TPM3: variants seen among roughly 807,000 people sequenced by gnomAD.
TPM3 encodes tropomyosin alpha-3 chain.
A neutral mutation model predicts 43.1 loss-of-function variants in TPM3; 16 were observed. That is an observed-to-expected ratio of 0.37 (90% CI 0.25 to 0.56). The LOEUF is 0.56. Among genes scored for constraint, TPM3 ranks in the 20% least tolerant of loss-of-function variants. The pLI, the probability that TPM3 is intolerant of heterozygous loss-of-function variation, is 0.77. For missense variants in TPM3, 176 were observed against 337.2 expected, an observed-to-expected ratio of 0.52 and a Z score of 3.74; for synonymous variants, 101 against 116.9, an observed-to-expected ratio of 0.86 and a Z score of 0.88.
chr1:154,170,340 G>T (rs1661429292), intron 8 of TPM3, 60 bp downstream of exon 8: 1 of 1,560,786 alleles, frequency 6.4e-7, no homozygotes, highest in East Asian at 2.2e-5. Flanking sequence ...AGAGATTAAT[G>T]GTTAATGGGC....
At chr1:154,159,197 G>T, downstream of TPM3, 1 of 665,668 alleles carries the variant, frequency 1.5e-6, no homozygotes, top group Non-Finnish European at 2.8e-6. Flanking sequence ...TGTAAGGCAG[G>T]GTGGATGCAA....
intron 3 of TPM3, among the ~76,000 whole-genome samples, chr1:154,175,529 C>T (rs962098591): frequency 1.3e-5 from 2 of 152,022 alleles, no homozygotes; most frequent in Non-Finnish European, 2.9e-5. Context: ...AAACAGATTG[C>T]CAGGCCCCAC....
chr1:154,184,717 A>C (rs1487808171), intron 2 of TPM3, among the ~76,000 whole-genome samples: 2 of 151,984 alleles, frequency 1.3e-5, no homozygotes, highest in Non-Finnish European at 2.9e-5. Context: ...GTTTGAGACC[A>C]GCCTGGGCAG....
rs559852699 is a variant in TPM3, at chr1:154,163,842, C to T, written c.*4095G>A. On this transcript the variant is annotated 3_prime_UTR_variant, in exon 10 of 10. Coordinates refer to ENST00000651641, the MANE Select transcript of TPM3 (RefSeq NM_152263.4). ...TAGAGACGGGGTTTCAACGTGTCAG[C>T]CAGGATGGTCTTGATCTCCTGACCT... Among the ~76,000 whole-genome samples, 198 of 152,204 alleles carry T rather than the reference C, an allele frequency of 1.3e-3. No individual in the cohort carries two copies. The highest frequency in any genetic ancestry group is 4.7e-3 in the African/African-American group (194 of 41,542).
chr1:154,182,654 G>A (rs1284922370), intron 2 of TPM3, among the ~76,000 whole-genome samples: 1 of 152,148 alleles, frequency 6.6e-6, no homozygotes, highest in Non-Finnish European at 1.5e-5. Flanking sequence ...GGGGAAGTGG[G>A]GGAGGGAGAA....
intron 2 of TPM3, among the ~76,000 whole-genome samples, chr1:154,177,544 G>C (rs1012250657): frequency 6.6e-6 from 1 of 152,094 alleles, no homozygotes; most frequent in African/African-American, 2.4e-5. Flanking sequence ...ACCTTTACTG[G>C]TGGGAGGTAC....
Position 154,166,807 on chromosome 1 carries a change from G to A in TPM3, c.*1130C>T, listed in dbSNP as rs143058197. On this transcript the variant is annotated 3_prime_UTR_variant, in exon 10 of 10. Transcript: ENST00000651641. Reference sequence around the variant, plus strand: ...AGCGATTCTCCTGCCTCAGCCTCCCGAGTAGCTGGGATTACAGGCACCCAC... The same window carrying A: ...AGCGATTCTCCTGCCTCAGCCTCCCAAGTAGCTGGGATTACAGGCACCCAC... The A allele has an allele frequency of 2.7e-3, 1,454 of 538,824 alleles. 18 individuals are homozygous for A. In the African/African-American group the frequency reaches 0.028, roughly 10 times the overall value. 33.4% of individuals were successfully genotyped at this position (538,824 alleles called of 1,614,324 possible). A position where few individuals can be genotyped will look rare whatever the true frequency, so the allele number is the denominator to read the frequency against.
rs1335529594 is a variant in TPM3, at chr1:154,165,548, G to A, written c.*2389C>T. Among the ~76,000 whole-genome samples, 1 of 151,762 alleles carries A rather than the reference G, an allele frequency of 6.6e-6. No individual in the cohort carries two copies. Among genetic ancestry groups the A allele is most frequent in the Admixed American group, 6.6e-5 (1 of 15,238 alleles). ...TCAAGCCTGTAATCCCATCACTTTG[G>A]GAGGCTGAGGTGGGTGGATCACTTG... is the stretch of plus-strand genomic sequence containing the variant. On this transcript the variant is annotated 3_prime_UTR_variant, in exon 10 of 10. Coordinates refer to ENST00000651641, the MANE Select transcript of TPM3 (RefSeq NM_152263.4).
Position 154,170,742 on chromosome 1 carries a change from G to A in TPM3, c.643-31C>T, listed in dbSNP as rs779420913. ...AGATAAGTAGATTAAAAATTTCAGA[G>A]TAGAAATTAGTCACACAGGCAATAC... On this transcript the variant is annotated intron_variant, in intron 6 of 9. Coordinates refer to ENST00000651641, the MANE Select transcript of TPM3 (RefSeq NM_152263.4). The A allele has an allele frequency of 1.0e-5, 15 of 1,474,264 alleles. No homozygotes were observed. In the Middle Eastern group the frequency reaches 6.9e-4, roughly 68 times the overall value. 91.3% of individuals were successfully genotyped at this position (1,474,264 alleles called of 1,614,324 possible).
At chr1:154,161,131 TAAAAAAAAAAA>T (rs953940037), downstream of TPM3, among the ~76,000 whole-genome samples, 81 of 85,090 alleles carry the variant, frequency 9.5e-4, 2 homozygotes, top group African/African-American at 3.6e-3. Flanking sequence ...ATGCAAATAT[TAAAAAAAAAAA>T]AAAAAAAAAA....
intron 3 of TPM3, among the ~76,000 whole-genome samples, chr1:154,174,407 T>TATATATATATACACACAC (rs1261318136): frequency 5.9e-4 from 43 of 72,650 alleles, no homozygotes; most frequent in African/African-American, 1.6e-3. Flanking sequence ...TATATATATA[T>TATATATATATACACACAC]ACACACAAAA....
Position 154,180,782 on chromosome 1 carries a change from G to A in TPM3, c.244-4534C>T, listed in dbSNP as rs191996771. ...AATAAAATAATAAAAAAAAATCGCC[G>A]AGTGTGGTGGTGGATGCCTGTAATC... On this transcript the variant is annotated intron_variant, in intron 2 of 9. Coordinates refer to ENST00000651641, the MANE Select transcript of TPM3 (RefSeq NM_152263.4). Among the ~76,000 whole-genome samples the A allele has an allele frequency of 8.5e-5, 13 of 152,076 alleles. No individual in the cohort carries two copies. The East Asian group carries it at 2.1e-3, about 25-fold the overall frequency.
rs767407416 is a variant in TPM3, at chr1:154,191,993, AT to A, written c.25del (p.Met9CysfsTer4). On this transcript the variant is annotated frameshift_variant, in exon 1 of 10. Coordinates refer to ENST00000651641, the MANE Select transcript of TPM3 (RefSeq NM_152263.4). LOFTEE classifies it high-confidence loss of function. ...CTCCTTGTCTAACTTCAGCATCTGC[AT>A]CTTTTTCTTGATGGCCTCCATCATG... The part of the protein sequence containing the change: MMEAIKKK[M>X]QMLKLDKENA... The A allele has an allele frequency of 6.2e-7, 1 of 1,613,844 alleles. No homozygotes were observed. Among genetic ancestry groups the A allele is most frequent in the Non-Finnish European group, 8.5e-7 (1 of 1,179,976 alleles).
chr1:154,183,588 C>G lies in TPM3; in HGVS notation c.244-7340G>C, dbSNP rs116018935. 0.011 allele frequency: 2,838 copies of G among 258,524 alleles called. 76 individuals are homozygous for G. The highest frequency in any genetic ancestry group is 0.058 in the African/African-American group (2,650 of 45,424). 16.0% of individuals were successfully genotyped at this position (258,524 alleles called of 1,614,324 possible). A position where few individuals can be genotyped will look rare whatever the true frequency, so the allele number is the denominator to read the frequency against. ...TTTGCTCCACAATATAAACATCCTA[C>G]AAGTCTCTGCTTCCACTCACCCCAC... is the stretch of plus-strand genomic sequence containing the variant. On this transcript the variant is annotated intron_variant, in intron 2 of 9. Transcript: ENST00000651641.
chr1:154,178,895 C>A (rs544170759), intron 2 of TPM3, among the ~76,000 whole-genome samples: 1 of 152,214 alleles, frequency 6.6e-6, no homozygotes, highest in Admixed American at 6.5e-5. Flanking sequence ...GTAGAATGCC[C>A]CAGCAACTCA....
chr1:154,166,710 G>A lies in TPM3; in HGVS notation c.*1227C>T. On this transcript the variant is annotated 3_prime_UTR_variant, in exon 10 of 10. Transcript: ENST00000651641. ...ATTCCTTTTTTTTTTTTGAGATGGA[G>A]TCTCTCTGTTGCCCAGGCTGGAATG... 1 of 979,708 alleles carries A rather than the reference G, an allele frequency of 1.0e-6. No homozygotes were observed. The highest frequency in any genetic ancestry group is 1.2e-6 in the Non-Finnish European group (1 of 827,362). 60.7% of individuals were successfully genotyped at this position (979,708 alleles called of 1,614,324 possible).
intron 9 of TPM3, among the ~76,000 whole-genome samples, chr1:154,168,626 A>T (rs1439354902): frequency 6.6e-6 from 1 of 151,956 alleles, no homozygotes; most frequent in Non-Finnish European, 1.5e-5. Context: ...GTTTCAAGTG[A>T]TTCTCCTGCC....
At chr1:154,184,100 G>A (rs960915381) in intron 2 of TPM3, among the ~76,000 whole-genome samples, 1 of 151,960 alleles carries the variant, frequency 6.6e-6, no homozygotes, top group Non-Finnish European at 1.5e-5. Context: ...AGGTTGGAGT[G>A]CAGTGGTGCG....
At chr1:154,182,697 T>C (rs1160549088) in intron 2 of TPM3, among the ~76,000 whole-genome samples, 1 of 151,924 alleles carries the variant, frequency 6.6e-6, no homozygotes, top group Non-Finnish European at 1.5e-5. Flanking sequence ...CGCGCCCGGA[T>C]CGGAGGCACT....
Sources: allele counts gnomAD v4.1 joint callset (sites outside exome capture counted in the v4.1 genomes callset), GRCh38; gene constraint gnomAD v4.1.1; transcripts MANE v1.5; gene names NCBI Gene and HGNC (gene_info 2026-07-23, HGNC 2026-07-21).